Variants in SPON1 observed in about 807,000 individuals in gnomAD.
SPON1 encodes spondin-1.
Under a neutral mutation model 111.7 loss-of-function variants are expected in SPON1, and 52 were observed. The ratio of observed to expected loss-of-function variants is 0.47; its 90% CI spans 0.37 to 0.59. The LOEUF is 0.59. SPON1 is among the 20% of genes least tolerant of loss of function. The pLI is 0.00. For missense variants in SPON1, 957 were observed against 1,068.5 expected (o/e 0.90, Z 1.46); for synonymous variants, 410 against 395.8 (o/e 1.04, Z -0.43).
intron 2 of SPON1, among the ~76,000 whole-genome samples, chr11:13,993,154 G>T (rs1352998081): frequency 6.6e-6 from 1 of 152,014 alleles, no homozygotes; most frequent in African/African-American, 2.4e-5. Context: ...CACAACAAAA[G>T]CAAATTTTAA....
intron 2 of SPON1, among the ~76,000 whole-genome samples, chr11:14,036,691 CT>C (rs1848596672): frequency 1.3e-5 from 2 of 152,102 alleles, no homozygotes; most frequent in African/African-American, 4.8e-5. Context: ...ATGAGATCAC[CT>C]ACAGATAAAG....
At chr11:14,110,965 T>C (rs1321135084) in intron 5 of SPON1, among the ~76,000 whole-genome samples, 2 of 152,178 alleles carry the variant, frequency 1.3e-5, no homozygotes, top group African/African-American at 4.8e-5. Flanking sequence ...TCCCAGCCTA[T>C]GCAAAACAAA....
intron 5 of SPON1, among the ~76,000 whole-genome samples, chr11:14,131,446 G>T (rs1424950661): frequency 6.6e-6 from 1 of 152,124 alleles, no homozygotes; most frequent in African/African-American, 2.4e-5. Flanking sequence ...CGACTAGCCT[G>T]CCAGTCCTGC....
In SPON1 at chr11:14,030,939, C is replaced by T. The variant is rs147576784; in HGVS notation, c.346-10582C>T. ...ATTACAGTACTATTCACAATAGCAA[C>T]GACATGGCATCAACTTAGGTGTTTG... On this transcript the variant is annotated intron_variant, in intron 2 of 15. Transcript: ENST00000576479. 2.2e-3 allele frequency among the ~76,000 whole-genome samples: 328 copies of T among 152,302 alleles called. 2 individuals are homozygous for T. Among genetic ancestry groups the T allele is most frequent in the African/African-American group, 7.4e-3 (308 of 41,562 alleles).
intron 3 of SPON1, among the ~76,000 whole-genome samples, chr11:14,043,159 A>G (rs1297166239): frequency 1.3e-5 from 2 of 152,256 alleles, no homozygotes; most frequent in African/African-American, 2.4e-5. Flanking sequence ...CTGTGTGTTC[A>G]GAGCCTGTTG....
intron 4 of SPON1, among the ~76,000 whole-genome samples, chr11:14,076,605 G>A (rs553639970): frequency 6.6e-6 from 1 of 152,276 alleles, no homozygotes; most frequent in East Asian, 1.9e-4. Context: ...GTGGAAGGCT[G>A]GGTTTGAAGT....
At chr11:14,243,704 C>T (rs1205457604) in intron 7 of SPON1, among the ~76,000 whole-genome samples, 2 of 152,210 alleles carry the variant, frequency 1.3e-5, no homozygotes, top group East Asian at 1.9e-4. Context: ...ACAGACCAAA[C>T]ATGCCCTCAC....
intron 2 of SPON1, among the ~76,000 whole-genome samples, chr11:14,026,676 AACAGG>A (rs1438842187): frequency 6.6e-6 from 1 of 152,234 alleles, no homozygotes; most frequent in Non-Finnish European, 1.5e-5. Context: ...AGGAAAGGAT[AACAGG>A]GAGGTTGAGA....
intron 2 of SPON1, among the ~76,000 whole-genome samples, chr11:14,014,402 G>A (rs1385463471): frequency 6.6e-6 from 1 of 152,198 alleles, no homozygotes; most frequent in Non-Finnish European, 1.5e-5. Flanking sequence ...TACATGAAAT[G>A]TAGGATTCCT....
chr11:14,033,885 A>G (rs1455789700), intron 2 of SPON1, among the ~76,000 whole-genome samples: 2 of 152,212 alleles, frequency 1.3e-5, no homozygotes, highest in Non-Finnish European at 2.9e-5. Flanking sequence ...CGTCTCTTGC[A>G]AGGAGTCAAG....
intron 1 of SPON1, among the ~76,000 whole-genome samples, chr11:13,978,971 A>C (rs1848123660): frequency 6.6e-6 from 1 of 152,206 alleles, no homozygotes; most frequent in Non-Finnish European, 1.5e-5. Context: ...AGCAGGGATT[A>C]TCTGTCTTGG....
intron 3 of SPON1, among the ~76,000 whole-genome samples, chr11:14,042,269 G>A (rs572295637): frequency 1.4e-4 from 22 of 152,194 alleles, no homozygotes; most frequent in African/African-American, 5.3e-4. Flanking sequence ...TGATGGTTTG[G>A]GAAATGGAAA....
intron 6 of SPON1, chr11:14,224,812 G>T: frequency 2.4e-6 from 1 of 414,582 alleles, no homozygotes; most frequent in South Asian, 2.0e-5. Context: ...GCTCCATGCT[G>T]AACAAAATTG....
chr11:14,094,057 CA>C (rs1232445062), intron 5 of SPON1, among the ~76,000 whole-genome samples: 60 of 152,140 alleles, frequency 3.9e-4, no homozygotes, highest in Middle Eastern at 3.4e-3. Context: ...ACTAAAAATA[CA>C]AAAACTCACC....
intron 6 of SPON1, among the ~76,000 whole-genome samples, chr11:14,160,990 TA>T (rs1236292410): frequency 6.6e-5 from 5 of 75,294 alleles, no homozygotes; most frequent in African/African-American, 2.7e-4. Context: ...TATTTATATA[TA>T]TTTTTATATA....
intron 2 of SPON1, among the ~76,000 whole-genome samples, chr11:13,998,882 T>C (rs1404962999): frequency 6.6e-6 from 1 of 152,236 alleles, no homozygotes; most frequent in African/African-American, 2.4e-5. Context: ...ACTTCTTTAA[T>C]AGACAATACA....
chr11:14,187,590 G>A (rs781806206), intron 6 of SPON1, among the ~76,000 whole-genome samples: 3 of 152,030 alleles, frequency 2.0e-5, no homozygotes, highest in Non-Finnish European at 2.9e-5. Flanking sequence ...GTTAGTTTGG[G>A]GTCCTAAAAG....
At chr11:14,235,133 C>T (rs1300375511) in intron 6 of SPON1, among the ~76,000 whole-genome samples, 1 of 152,180 alleles carries the variant, frequency 6.6e-6, no homozygotes, top group Non-Finnish European at 1.5e-5. Context: ...TCCAGCGCCT[C>T]CAGCTGACAC....
chr11:13,976,430 T>TCTC (rs1487149720), intron 1 of SPON1, among the ~76,000 whole-genome samples: 1 of 152,098 alleles, frequency 6.6e-6, no homozygotes, highest in Non-Finnish European at 1.5e-5. Flanking sequence ...AAAGATAGAG[T>TCTC]CTCCTCTATT....
Sources: gnomAD v4.1 joint callset for allele counts (sites outside exome capture counted in the v4.1 genomes callset) on GRCh38, gnomAD v4.1.1 for gene constraint, MANE v1.5 for transcripts, NCBI Gene and HGNC (gene_info 2026-07-23, HGNC 2026-07-21) for gene names.